DENND1B: variants seen among roughly 807,000 people sequenced by gnomAD.
DENND1B encodes DENN domain containing 1B.
In DENND1B, 59 loss-of-function variants were observed where a neutral mutation model predicts 90.1. That is an observed-to-expected ratio of 0.65 (90% CI 0.53 to 0.81). The LOEUF is 0.81. DENND1B is among the 40% of genes least tolerant of loss of function. DENND1B has a pLI of 0.00. For synonymous variants in DENND1B, 337 were observed against 324.6 expected (o/e 1.04, Z -0.41); for missense variants, 862 against 912.6 (o/e 0.94, Z 0.71).
At chr1:197,610,608 AG>A (rs1677098007) in intron 12 of DENND1B, among the ~76,000 whole-genome samples, 1 of 150,998 alleles carries the variant, frequency 6.6e-6, no homozygotes, top group South Asian at 2.1e-4. Context: ...ATGACTTTTT[AG>A]AAGAGAATCC....
At chr1:197,713,937 T>TTATATGCATATAA (rs1553334627) in intron 3 of DENND1B, among the ~76,000 whole-genome samples, 2 of 127,920 alleles carry the variant, frequency 1.6e-5, no homozygotes, top group Non-Finnish European at 3.3e-5. Flanking sequence ...TATACATATA[T>TTATATGCATATAA]TATATACATA....
At chr1:197,764,713 G>A (rs1655492095) in intron 2 of DENND1B, among the ~76,000 whole-genome samples, 1 of 151,944 alleles carries the variant, frequency 6.6e-6, no homozygotes. Flanking sequence ...AAATTAAAAT[G>A]TTCCCTTAAA....
rs190612533 is a variant in DENND1B, at chr1:197,622,619, C to T, written c.673-4860G>A. Reference sequence around the variant, plus strand: ...ATAGACAGAGATCTGATTTACAAAACTTTCCTCAGGCAACACAGACTGTAA... The same window carrying T: ...ATAGACAGAGATCTGATTTACAAAATTTTCCTCAGGCAACACAGACTGTAA... On this transcript the variant is annotated intron_variant, in intron 10 of 22. Coordinates refer to ENST00000620048, the MANE Select transcript of DENND1B (RefSeq NM_001195215.2). Among the ~76,000 whole-genome samples, 4 of 151,472 alleles carry T rather than the reference C, an allele frequency of 2.6e-5. No homozygotes were observed. In the East Asian group the frequency reaches 7.8e-4, roughly 30 times the overall value.
chr1:197,645,887 T>A (rs2125924313), intron 8 of DENND1B, 144 bp from the exon 9 acceptor site: 1 of 497,536 alleles, frequency 2.0e-6, no homozygotes, highest in East Asian at 3.6e-5. Flanking sequence ...TTTGAGAGAT[T>A]CTTAAATGAG....
intron 2 of DENND1B, among the ~76,000 whole-genome samples, chr1:197,758,921 A>G (rs1040762059): frequency 6.6e-6 from 1 of 152,028 alleles, no homozygotes; most frequent in Non-Finnish European, 1.5e-5. Flanking sequence ...TAGAATAAGA[A>G]AAAGCACAAC....
intron 20 of DENND1B, among the ~76,000 whole-genome samples, chr1:197,529,242 A>ATGTGTGTG (rs1160722638): frequency 1.2e-3 from 13 of 10,856 alleles, no homozygotes; most frequent in African/African-American, 2.2e-3. Flanking sequence ...ATATATATAT[A>ATGTGTGTG]TGTGTGTGTG....
At chr1:197,648,714 C>A (rs186489498) in intron 7 of DENND1B, among the ~76,000 whole-genome samples, 107 of 152,228 alleles carry the variant, frequency 7.0e-4, no homozygotes, top group Non-Finnish European at 1.3e-3. Context: ...ACCTTGGATT[C>A]TTTGGGCATC....
chr1:197,730,995 G>A (rs1662095690), intron 2 of DENND1B, among the ~76,000 whole-genome samples: 2 of 152,050 alleles, frequency 1.3e-5, no homozygotes, highest in Admixed American at 1.3e-4. Context: ...AGCCCATAAT[G>A]TTGATATTAC....
At chr1:197,576,554 T>G (rs1673703311) in intron 15 of DENND1B, among the ~76,000 whole-genome samples, 1 of 152,208 alleles carries the variant, frequency 6.6e-6, no homozygotes, top group Non-Finnish European at 1.5e-5. Context: ...ACAACCAGTA[T>G]TTAAAATGTT....
intron 3 of DENND1B, among the ~76,000 whole-genome samples, chr1:197,693,546 A>C (rs1297371436): frequency 6.6e-6 from 1 of 151,732 alleles, no homozygotes; most frequent in African/African-American, 2.4e-5. Flanking sequence ...TAAAATGCAC[A>C]TAATTTATCT....
intron 3 of DENND1B, among the ~76,000 whole-genome samples, chr1:197,707,541 A>C (rs987402725): frequency 1.3e-5 from 2 of 149,218 alleles, no homozygotes; most frequent in Admixed American, 1.3e-4. Flanking sequence ...TATAATATCT[A>C]TATCATTATC....
At chr1:197,670,384 GA>G (rs949020978) in intron 5 of DENND1B, among the ~76,000 whole-genome samples, 22 of 148,938 alleles carry the variant, frequency 1.5e-4, no homozygotes, top group African/African-American at 5.5e-4. Flanking sequence ...AATCTTACCT[GA>G]AAATGATGTT....
At chr1:197,750,444 A>G (rs552608249) in intron 2 of DENND1B, among the ~76,000 whole-genome samples, 8 of 152,318 alleles carry the variant, frequency 5.3e-5, no homozygotes, top group African/African-American at 1.9e-4. Flanking sequence ...AAAAACCAAA[A>G]GTACAACCAT....
intron 7 of DENND1B, among the ~76,000 whole-genome samples, chr1:197,648,065 T>C (rs1053563597): frequency 3.3e-5 from 5 of 152,052 alleles, no homozygotes; most frequent in African/African-American, 1.2e-4. Flanking sequence ...CTATTATACA[T>C]AGGAACAGAA....
intron 11 of DENND1B, among the ~76,000 whole-genome samples, chr1:197,615,771 G>A (rs1677591895): frequency 6.6e-6 from 1 of 150,906 alleles, no homozygotes; most frequent in Non-Finnish European, 1.5e-5. Context: ...GTGACCTTAA[G>A]GTTCAGGAAG....
At chr1:197,646,055 A>G (rs953480293) in intron 8 of DENND1B, among the ~76,000 whole-genome samples, 3 of 151,924 alleles carry the variant, frequency 2.0e-5, no homozygotes, top group Admixed American at 2.0e-4. Flanking sequence ...ACATATATAC[A>G]TATACACGTA....
intron 10 of DENND1B, among the ~76,000 whole-genome samples, chr1:197,628,507 C>A (rs1380232358): frequency 4.6e-5 from 7 of 152,274 alleles, no homozygotes; most frequent in African/African-American, 1.7e-4. Flanking sequence ...CCTCCTTACA[C>A]CTTTTACAAA....
At chr1:197,676,082 C>CAAAAAAAAAAAAAAAAA (rs3046951) in intron 3 of DENND1B, among the ~76,000 whole-genome samples, 3 of 114,906 alleles carry the variant, frequency 2.6e-5, no homozygotes, top group East Asian at 2.6e-4. Context: ...ACAGTATAGA[C>CAAAAAAAAAAAAAAAAA]AAAAAAAAAA....
At chr1:197,773,541 T>C (rs1656882629) in intron 1 of DENND1B, among the ~76,000 whole-genome samples, 1 of 152,236 alleles carries the variant, frequency 6.6e-6, no homozygotes, top group African/African-American at 2.4e-5. Flanking sequence ...AGTAGCAAAC[T>C]ATTCATAGCT....
Sources: allele counts gnomAD v4.1 joint callset (sites outside exome capture counted in the v4.1 genomes callset), GRCh38; gene constraint gnomAD v4.1.1; transcripts MANE v1.5; gene names NCBI Gene and HGNC (gene_info 2026-07-23, HGNC 2026-07-21).